DEUP1: variants seen among roughly 807,000 people sequenced by gnomAD.
DEUP1 encodes the protein deuterosome assembly protein 1, also known as coiled-coil domain containing 67.
DEUP1 carries 82 observed loss-of-function variants against 87.4 expected under a neutral mutation model. The observed-to-expected ratio is 0.94, with a 90% CI of 0.78 to 1.13. The LOEUF (loss-of-function observed/expected upper bound fraction) is 1.13, where lower values mean the gene tolerates loss of function less well. DEUP1 is among the 50% of genes most tolerant of loss of function. The pLI is 0.00. For synonymous variants in DEUP1, 214 were observed against 222.7 expected (o/e 0.96, Z 0.35); for missense variants, 663 against 681.5 (o/e 0.97, Z 0.30).
At chr11:93,395,981 G>C (rs1946931459) in intron 10 of DEUP1, among the ~76,000 whole-genome samples, 1 of 152,112 alleles carries the variant, frequency 6.6e-6, no homozygotes, top group Non-Finnish European at 1.5e-5. Context: ...ATGGAATTTT[G>C]GGATTGTAGG....
intron 13 of DEUP1, among the ~76,000 whole-genome samples, chr11:93,432,610 A>G (rs1428384690): frequency 6.6e-6 from 1 of 152,182 alleles, no homozygotes; most frequent in Non-Finnish European, 1.5e-5. Flanking sequence ...GGGTTTTACC[A>G]GGTTATTAGG....
intron 7 of DEUP1, among the ~76,000 whole-genome samples, chr11:93,376,976 G>A (rs530798193): frequency 6.6e-6 from 1 of 152,310 alleles, no homozygotes; most frequent in South Asian, 2.1e-4. Context: ...ACTGTGGTCT[G>A]AGAGAGTACT....
intron 6 of DEUP1, among the ~76,000 whole-genome samples, chr11:93,370,761 T>A (rs1228612748): frequency 1.3e-5 from 2 of 152,210 alleles, no homozygotes; most frequent in Non-Finnish European, 2.9e-5. Context: ...TTACACCTTC[T>A]AGATTTTTTT....
intron 2 of DEUP1, among the ~76,000 whole-genome samples, chr11:93,344,721 C>G (rs560310873): frequency 6.6e-6 from 1 of 152,076 alleles, no homozygotes; most frequent in Non-Finnish European, 1.5e-5. Context: ...ATTTTTATGG[C>G]TTAAATATTT....
chr11:93,418,632 C>A (rs892110439), intron 13 of DEUP1, among the ~76,000 whole-genome samples: 122 of 151,958 alleles, frequency 8.0e-4, no homozygotes, highest in African/African-American at 2.7e-3. Flanking sequence ...GGCGATTCCT[C>A]AGGGATCTAG....
intron 2 of DEUP1, among the ~76,000 whole-genome samples, chr11:93,344,813 A>G (rs1039357347): frequency 2.0e-5 from 3 of 152,076 alleles, no homozygotes; most frequent in Non-Finnish European, 4.4e-5. Flanking sequence ...GTGAAAATGG[A>G]AGTAATAAAA....
chr11:93,351,696 T>C (rs1183446816), intron 2 of DEUP1, among the ~76,000 whole-genome samples: 1 of 152,200 alleles, frequency 6.6e-6, no homozygotes, highest in Non-Finnish European at 1.5e-5. Context: ...TTTTAGGTTT[T>C]AAGTAAAAAT....
chr11:93,430,496 A>G (rs1227900149), intron 13 of DEUP1, among the ~76,000 whole-genome samples: 1 of 152,216 alleles, frequency 6.6e-6, no homozygotes, highest in Non-Finnish European at 1.5e-5. Flanking sequence ...AAAAGGCTAT[A>G]TTGTATAATT....
upstream of DEUP1, chr11:93,330,339 AC>A (rs1324373405): frequency 1.3e-5 from 2 of 152,448 alleles, no homozygotes; most frequent in East Asian, 3.9e-4. Flanking sequence ...CATTCATTCA[AC>A]AAGTATTTCC....
chr11:93,375,368 C>G (rs934098017), intron 7 of DEUP1, among the ~76,000 whole-genome samples: 2 of 152,082 alleles, frequency 1.3e-5, no homozygotes, highest in East Asian at 1.9e-4. Flanking sequence ...TTGTCTTCTT[C>G]CAGTTCTCAG....
chr11:93,330,540 T>A (rs1591058275), upstream of DEUP1: 1 of 152,350 alleles, frequency 6.6e-6, no homozygotes, highest in African/African-American at 2.4e-5. Flanking sequence ...CATCCCCCAC[T>A]CCGACGGCCA....
intron 13 of DEUP1, among the ~76,000 whole-genome samples, chr11:93,437,338 G>A (rs936453838): frequency 6.6e-5 from 10 of 152,174 alleles, no homozygotes; most frequent in African/African-American, 2.2e-4. Flanking sequence ...TTAATGTAAT[G>A]GTGCTGTGAT....
intron 13 of DEUP1, among the ~76,000 whole-genome samples, chr11:93,416,088 G>A (rs1419891453): frequency 6.6e-6 from 1 of 152,074 alleles, no homozygotes; most frequent in Non-Finnish European, 1.5e-5. Flanking sequence ...TTTCCTGTAG[G>A]AGCCAATGAA....
intron 2 of DEUP1, chr11:93,352,385 G>C (rs1319365689): frequency 2.8e-6 from 2 of 702,462 alleles, no homozygotes; most frequent in East Asian, 2.7e-5. Context: ...GAATGCTTCA[G>C]CTTCTTTGAA....
At chr11:93,353,442 C>T (rs769417844) in intron 2 of DEUP1, among the ~76,000 whole-genome samples, 5 of 152,134 alleles carry the variant, frequency 3.3e-5, no homozygotes, top group Admixed American at 1.3e-4. Context: ...TTGGATCTAC[C>T]GTTCTGGGGT....
Position 93,373,410 on chromosome 11 carries a change from C to T in DEUP1, c.789+2130C>T, listed in dbSNP as rs1178332628. On this transcript the variant is annotated intron_variant, in intron 7 of 13. Coordinates refer to ENST00000298050, the MANE Select transcript of DEUP1 (RefSeq NM_181645.4). Reference sequence around the variant, plus strand: ...TTCTTATGCCTTTGAAGCCTAATAGCTTAGCTCCTACTTATGAGTGAGAAC... The same window carrying T: ...TTCTTATGCCTTTGAAGCCTAATAGTTTAGCTCCTACTTATGAGTGAGAAC... Among the ~76,000 whole-genome samples the T allele has an allele frequency of 2.6e-5, 4 of 152,018 alleles. No individual in the cohort carries two copies. The South Asian group carries it at 6.2e-4, about 24-fold the overall frequency.
intron 13 of DEUP1, among the ~76,000 whole-genome samples, chr11:93,436,615 C>T (rs893223846): frequency 6.6e-6 from 1 of 152,180 alleles, no homozygotes; most frequent in African/African-American, 2.4e-5. Context: ...CCATCATTTG[C>T]ATGATCCCTA....
intron 2 of DEUP1, among the ~76,000 whole-genome samples, chr11:93,353,534 T>G (rs1209180138): frequency 1.3e-5 from 2 of 152,180 alleles, no homozygotes; most frequent in African/African-American, 4.8e-5. Flanking sequence ...TACCCCACAT[T>G]TTCCTTCTGC....
chr11:93,360,730 T>G (rs1187769274), intron 4 of DEUP1, among the ~76,000 whole-genome samples: 1 of 151,760 alleles, frequency 6.6e-6, no homozygotes, highest in East Asian at 1.9e-4. Flanking sequence ...CAATAGAAAT[T>G]ATCCAATCTG....
Sources: allele counts gnomAD v4.1 joint callset (sites outside exome capture counted in the v4.1 genomes callset), GRCh38; gene constraint gnomAD v4.1.1; transcripts MANE v1.5; gene names NCBI Gene and HGNC (gene_info 2026-07-23, HGNC 2026-07-21).